Variants in CAMTA1 observed in about 807,000 individuals in gnomAD.
CAMTA1 encodes the protein calmodulin binding transcription activator 1.
A neutral mutation model predicts 170.9 loss-of-function variants in CAMTA1; 27 were observed. The ratio of observed to expected loss-of-function variants is 0.16; its 90% CI spans 0.12 to 0.22. The LOEUF (loss-of-function observed/expected upper bound fraction) is 0.22. Ranked by LOEUF, CAMTA1 falls within the 10% of genes least tolerant of loss-of-function variation. The pLI is 1.00. For missense variants in CAMTA1, 1,619 were observed against 2,217.2 expected, an observed-to-expected ratio of 0.73 and a Z score of 5.42; for synonymous variants, 833 against 891.5, an observed-to-expected ratio of 0.93 and a Z score of 1.17.
At chr1:7,098,876 G>C (rs1190324946) in intron 4 of CAMTA1, among the ~76,000 whole-genome samples, 2 of 152,056 alleles carry the variant, frequency 1.3e-5, no homozygotes, top group Admixed American at 1.3e-4. Context: ...CATGTCCCTG[G>C]CACAAGAGCT....
rs1168557923 is a variant in CAMTA1 at position 7,300,830 on chromosome 1, A to G, written c.438+51204A>G. On this transcript the variant is annotated intron_variant, in intron 5 of 22. Coordinates refer to ENST00000303635, the MANE Select transcript of CAMTA1 (RefSeq NM_015215.4). The surrounding 1 kb of genome is among the most constrained non-coding windows in gnomAD (Gnocchi z 4.1). ...GTGATTCCAGAGCAACTTTATTTCC[A>G]TAGTCTGTGTTGCACTCAAAGTAAA... Among the ~76,000 whole-genome samples the G allele has an allele frequency of 6.6e-6, 1 of 152,252 alleles. No individual in the cohort carries two copies. The highest frequency in any genetic ancestry group is 1.5e-5 in the Non-Finnish European group (1 of 68,046).
At chr1:6,992,449 T>A (rs2100457053) in intron 3 of CAMTA1, among the ~76,000 whole-genome samples, 1 of 152,358 alleles carries the variant, frequency 6.6e-6, no homozygotes, top group East Asian at 1.9e-4. Context: ...ATTGTGAAGA[T>A]ATTCTCCTAT....
chr1:6,933,180 C>T (rs913244080), intron 3 of CAMTA1, among the ~76,000 whole-genome samples: 7 of 152,114 alleles, frequency 4.6e-5, no homozygotes, highest in Non-Finnish European at 1.0e-4. Flanking sequence ...CTGCCTCAGC[C>T]TCCTGAATAG....
At chr1:6,913,675 C>T (rs928743958) in intron 3 of CAMTA1, among the ~76,000 whole-genome samples, 1 of 152,022 alleles carries the variant, frequency 6.6e-6, no homozygotes. Flanking sequence ...TGTGCTGTGC[C>T]AGGCCCTGTG....
intron 6 of CAMTA1, among the ~76,000 whole-genome samples, chr1:7,610,805 G>T (rs1346903915): frequency 2.0e-5 from 3 of 152,238 alleles, no homozygotes; most frequent in Non-Finnish European, 2.9e-5. Flanking sequence ...TGCCCTGATG[G>T]TGCAGCCAGG....
chr1:7,270,289 ATATT>A lies in CAMTA1; in HGVS notation c.438+20665_438+20668del, dbSNP rs1325831208. On this transcript the variant is annotated intron_variant, in intron 5 of 22. Transcript: ENST00000303635. ...CACACACACACATATATATATATATATATTTTTTTTTTTTTTTCTTGTGAGATGG... is the reference window on the plus strand; with the variant it reads ...CACACACACACATATATATATATATATTTTTTTTTTTTTCTTGTGAGATGG... 3.5e-3 allele frequency among the ~76,000 whole-genome samples: 395 copies of A among 112,734 alleles called. 8 individuals carry two copies. In the East Asian group the frequency reaches 0.053, roughly 15 times the overall value. The allele number at this position is 112,734 out of a possible 152,430, so 74.0% of individuals were successfully genotyped here.
Position 7,673,832 on chromosome 1 carries a change from G to A in CAMTA1, c.2779+2795G>A, listed in dbSNP as rs113448698. Among the ~76,000 whole-genome samples the A allele has an allele frequency of 3.9e-3, 587 of 152,316 alleles. 1 individual carries two copies. The highest frequency in any genetic ancestry group is 5.7e-3 in the Non-Finnish European group (387 of 68,024). The stretch of plus-strand genomic sequence containing the variant: ...TCTTCATTTGCCAAATAACTTTTGA[G>A]TAGCCCCTGCTTGCTCTGCACAGAG... On this transcript the variant is annotated intron_variant, in intron 10 of 22. Coordinates refer to ENST00000303635, the MANE Select transcript of CAMTA1 (RefSeq NM_015215.4). This position sits in a 1 kb window ranked among gnomAD's most constrained non-coding sequence, Gnocchi z 4.6.
At chr1:7,398,118 CTA>C (rs1375577332) in intron 5 of CAMTA1, among the ~76,000 whole-genome samples, 6 of 144,030 alleles carry the variant, frequency 4.2e-5, no homozygotes, top group African/African-American at 1.5e-4. Context: ...GTATTGCAAT[CTA>C]TCTCTTCCTT....
rs114704950 is a variant in CAMTA1, at chr1:7,456,926, C to T, written c.439-10904C>T. Among the ~76,000 whole-genome samples the T allele has an allele frequency of 2.7e-3, 418 of 152,262 alleles. 2 individuals are homozygous for T. Among genetic ancestry groups the T allele is most frequent in the African/African-American group, 9.7e-3 (402 of 41,540 alleles). ...AGCCCATGTGGAGCGTGCAGCAAGG[C>T]CCAGATGGGAGCAGCCCATGTGGAG... On this transcript the variant is annotated intron_variant, in intron 5 of 22. Transcript: ENST00000303635. This position sits in a 1 kb window ranked among gnomAD's most constrained non-coding sequence, Gnocchi z 4.9.
At chr1:7,384,595 A>C (rs2087720436) in intron 5 of CAMTA1, among the ~76,000 whole-genome samples, 1 of 152,264 alleles carries the variant, frequency 6.6e-6, no homozygotes, top group South Asian at 2.1e-4. Flanking sequence ...CTATCAAAGC[A>C]GCAAGGACAC....
rs998680419 is a variant in CAMTA1 at position 7,685,074 on chromosome 1, G to C, written c.2914+7341G>C. On this transcript the variant is annotated intron_variant, in intron 11 of 22. Coordinates refer to ENST00000303635, the MANE Select transcript of CAMTA1 (RefSeq NM_015215.4). The surrounding 1 kb of genome is among the most constrained non-coding windows in gnomAD (Gnocchi z 5.7). ...GAGGAGTTCGCAGGCACCGTCCCGT[G>C]GTCACAGGTGGCGTGTTTTGAGGAG... Among the ~76,000 whole-genome samples, 3 of 151,992 alleles carry C rather than the reference G, an allele frequency of 2.0e-5. No homozygotes were observed. Among genetic ancestry groups the C allele is most frequent in the African/African-American group, 7.3e-5 (3 of 41,362 alleles).
In CAMTA1 at chr1:7,768,871, C is replaced by T. The variant is rs538914430; in HGVS notation, c.*2380C>T. 3.9e-5 allele frequency: 6 copies of T among 152,354 alleles called. No homozygotes were observed. The highest frequency in any genetic ancestry group is 2.0e-4 in the Admixed American group (3 of 15,282). 9.4% of individuals were successfully genotyped at this position (152,354 alleles called of 1,614,324 possible). On this transcript the variant is annotated 3_prime_UTR_variant, in exon 23 of 23. Coordinates refer to ENST00000303635, the MANE Select transcript of CAMTA1 (RefSeq NM_015215.4). ...ACTGCATTCATAAATGGGAATAGAA[C>T]GTGAAAGCCAGCTCTTTCAGAATAT... is the stretch of plus-strand genomic sequence containing the variant.
chr1:7,026,217 G>A (rs1018049735), intron 3 of CAMTA1, among the ~76,000 whole-genome samples: 2 of 152,190 alleles, frequency 1.3e-5, no homozygotes, highest in Non-Finnish European at 2.9e-5. Context: ...GGACCTGCAA[G>A]GGATGAAGCT....
intron 3 of CAMTA1, among the ~76,000 whole-genome samples, chr1:6,859,631 TAAAC>T (rs983232122): frequency 2.6e-5 from 4 of 151,882 alleles, no homozygotes; most frequent in Admixed American, 1.3e-4. Context: ...TTACACAAAA[TAAAC>T]AAAATTAGCT....
At chr1:7,009,748 C>T (rs12061141) in intron 3 of CAMTA1, among the ~76,000 whole-genome samples, 62,257 of 152,066 alleles carry the variant, frequency 0.41, 14,036 homozygotes, top group African/African-American at 0.61. Flanking sequence ...TGAGTTGGTC[C>T]GTGCAGAGCC....
chr1:7,126,073 G>C (rs1644914585), intron 4 of CAMTA1, among the ~76,000 whole-genome samples: 1 of 152,146 alleles, frequency 6.6e-6, no homozygotes, highest in South Asian at 2.1e-4. Context: ...AAGTGAAAGG[G>C]GAAACCACGT....
chr1:7,141,618 C>G (rs574775941), intron 4 of CAMTA1, among the ~76,000 whole-genome samples: 9 of 152,362 alleles, frequency 5.9e-5, no homozygotes, highest in African/African-American at 1.7e-4. Flanking sequence ...AGCATCAGCA[C>G]ACTCAGCGTT....
At chr1:6,859,048 G>A (rs1663626500) in intron 3 of CAMTA1, among the ~76,000 whole-genome samples, 3 of 152,108 alleles carry the variant, frequency 2.0e-5, no homozygotes, top group Admixed American at 2.0e-4. Context: ...ACTTATAAAA[G>A]TAATAAATGG....
chr1:7,103,747 ATACAT>A (rs1245620363), intron 4 of CAMTA1, among the ~76,000 whole-genome samples: 3 of 150,824 alleles, frequency 2.0e-5, no homozygotes, highest in Non-Finnish European at 3.0e-5. Context: ...TGTACACACA[ATACAT>A]TACACACATG....
Sources: gnomAD v4.1 joint callset for allele counts (sites outside exome capture counted in the v4.1 genomes callset) on GRCh38, gnomAD v4.1.1 for gene constraint, Gnocchi (gnomAD v3.1) non-coding constraint, MANE v1.5 for transcripts, NCBI Gene and HGNC (gene_info 2026-07-23, HGNC 2026-07-21) for gene names.